The following PITPNA variants were observed in gnomAD, a reference collection of about 807,000 sequenced individuals.
PITPNA encodes the protein phosphatidylinositol transfer protein alpha isoform.
Under a neutral mutation model 50.3 loss-of-function variants are expected in PITPNA, and 13 were observed. That is an observed-to-expected ratio of 0.26 (90% CI 0.17 to 0.41). The LOEUF (loss-of-function observed/expected upper bound fraction) is 0.41, where lower values mean the gene tolerates loss of function less well. Among genes scored for constraint, PITPNA ranks in the 10% least tolerant of loss-of-function variants. The pLI, the probability that PITPNA is intolerant of heterozygous loss-of-function variation, is 1.00. For synonymous variants in PITPNA, 120 were observed against 119.6 expected, an observed-to-expected ratio of 1.00 and a Z score of -0.02; for missense variants, 207 against 333.4, an observed-to-expected ratio of 0.62 and a Z score of 2.95.
chr17:1,555,060 G>A lies in PITPNA; in HGVS notation c.52-1911C>T, dbSNP rs533881598. Among the ~76,000 whole-genome samples the A allele has an allele frequency of 5.0e-4, 76 of 152,304 alleles. 2 individuals are homozygous for A. The South Asian group carries it at 0.015, about 31-fold the overall frequency. ...GAAGGAGCAGTAACTCCGTTTCAGA[G>A]AAGAGCCGTAAGAACATCTAACCAC... is the stretch of plus-strand genomic sequence containing the variant. On this transcript the variant is annotated intron_variant, in intron 2 of 11. Coordinates refer to ENST00000313486, the MANE Select transcript of PITPNA (RefSeq NM_006224.4).
Position 1,535,204 on chromosome 17 carries a change from T to C in PITPNA, c.623A>G (p.Lys208Arg). ...TACCTTATGGATGAAGTTCTCCACT[T>C]TGTTCTGCAGGCCCCACCACTTGAA... is the stretch of plus-strand genomic sequence containing the variant. ...VKFKWWGLQN[K>R]VENFIHKQER... The change falls in exon 9 of 12, where the codon AAA becomes AGA. Residue 208 changes from lysine (K) to arginine (R), a missense_variant. Coordinates refer to ENST00000313486, the MANE Select transcript of PITPNA (RefSeq NM_006224.4). 2 of 1,612,712 alleles carry C rather than the reference T, an allele frequency of 1.2e-6. No homozygotes were observed. The highest frequency in any genetic ancestry group is 1.7e-6 in the Non-Finnish European group (2 of 1,178,676).
rs145766356 is a variant in PITPNA at position 1,546,075 on chromosome 17, G to A, written c.289+2221C>T. Among the ~76,000 whole-genome samples, 57 of 151,928 alleles carry A rather than the reference G, an allele frequency of 3.8e-4. No homozygotes were observed. The East Asian group carries it at 0.01, about 28-fold the overall frequency. ...CCCAAGTAGCTGGGGTTACAGGCAT[G>A]CACCACCATGCCCGGATAACTTTTT... On this transcript the variant is annotated intron_variant, in intron 4 of 11. Coordinates refer to ENST00000313486, the MANE Select transcript of PITPNA (RefSeq NM_006224.4).
intron 10 of PITPNA, among the ~76,000 whole-genome samples, chr17:1,527,401 G>A (rs1178091469): frequency 1.3e-5 from 2 of 151,912 alleles, no homozygotes; most frequent in African/African-American, 2.4e-5. Context: ...GCACCACCAC[G>A]CCTGGCTAAT....
intron 7 of PITPNA, among the ~76,000 whole-genome samples, chr17:1,537,451 G>C (rs1450463158): frequency 6.6e-6 from 1 of 151,764 alleles, no homozygotes; most frequent in African/African-American, 2.4e-5. Context: ...TGCCTGCCTC[G>C]GTCTCCCAAA....
At position 1,562,461 on chromosome 17, in the gene PITPNA, C is replaced by A; in HGVS notation, c.20+80G>T. On this transcript the variant is annotated intron_variant, in intron 1 of 11. Transcript: ENST00000313486. This position sits in a 1 kb window ranked among gnomAD's most constrained non-coding sequence, Gnocchi z 6.4. Reference sequence around the variant, plus strand: ...TGCCCCTCCGTCCATCCGGGCCCTGCGTCCCTCGCCGCGCCGTCGCCCCGG... The same window carrying A: ...TGCCCCTCCGTCCATCCGGGCCCTGAGTCCCTCGCCGCGCCGTCGCCCCGG... 2 of 1,199,268 alleles carry A rather than the reference C, an allele frequency of 1.7e-6. No homozygotes were observed. The highest frequency in any genetic ancestry group is 1.6e-5 in the South Asian group (1 of 61,956). 74.3% of individuals were successfully genotyped at this position (1,199,268 alleles called of 1,614,324 possible). A position where few individuals can be genotyped will look rare whatever the true frequency, so the allele number is the denominator to read the frequency against.
chr17:1,544,947 T>C (rs1440040198), intron 4 of PITPNA, among the ~76,000 whole-genome samples: 3 of 152,150 alleles, frequency 2.0e-5, no homozygotes, highest in Admixed American at 6.5e-5. Flanking sequence ...GAGCCGAGAT[T>C]GCACCACTGT....
At chr17:1,541,832 C>G (rs1393417237) in intron 5 of PITPNA, 192 bp from the exon 6 acceptor site, 1 of 683,842 alleles carries the variant, frequency 1.5e-6, no homozygotes, top group African/African-American at 1.8e-5. Context: ...AATCCTCACC[C>G]CAGCCTGAGA....
At chr17:1,542,861 G>C (rs955170951) in intron 5 of PITPNA, among the ~76,000 whole-genome samples, 159 bp downstream of exon 5, 7 of 152,312 alleles carry the variant, frequency 4.6e-5, no homozygotes, top group East Asian at 3.9e-4. Context: ...CATCATGCCA[G>C]TTAACAGGTT....
At position 1,540,187 on chromosome 17, in the gene PITPNA, G is replaced by A. The variant is rs572937141; in HGVS notation, c.373-1235C>T. Among the ~76,000 whole-genome samples, 19 of 151,764 alleles carry A rather than the reference G, an allele frequency of 1.3e-4. 1 individual carries two copies. Among genetic ancestry groups the A allele is most frequent in the Admixed American group, 3.3e-4 (5 of 15,274 alleles). ...TGTCTGTTTAGCAACATGCTGACCC[G>A]CTGTAAAGACTGTAAACCCTTCTAG... is the stretch of plus-strand genomic sequence containing the variant. On this transcript the variant is annotated intron_variant, in intron 6 of 11. Coordinates refer to ENST00000313486, the MANE Select transcript of PITPNA (RefSeq NM_006224.4).
chr17:1,525,644 G>A (rs1052550983), intron 10 of PITPNA, among the ~76,000 whole-genome samples: 4 of 150,918 alleles, frequency 2.7e-5, no homozygotes, highest in South Asian at 2.1e-4. Flanking sequence ...TCAAACTCCC[G>A]AGTAGCTGGG....
chr17:1,553,026 G>A lies in PITPNA; in HGVS notation c.175C>T (p.His59Tyr). The A allele has an allele frequency of 1.2e-6, 2 of 1,613,966 alleles. No individual in the cohort carries two copies. Among genetic ancestry groups the A allele is most frequent in the Non-Finnish European group, 1.7e-6 (2 of 1,179,880 alleles). ...EKDGEKGQYT[H>Y]KIYHLQSKVP... is the part of the protein sequence containing the mutation. Reference sequence around the variant, plus strand: ...TACCTCTGCAGGTGGTAGATCTTGTGTGTGTACTGGCCTTTCTCACCGTCC... The same window carrying A: ...TACCTCTGCAGGTGGTAGATCTTGTATGTGTACTGGCCTTTCTCACCGTCC... Residue 59 changes from histidine to tyrosine, a missense_variant, in exon 3 of 12, where the codon CAC (histidine) becomes TAC (tyrosine). Coordinates refer to ENST00000313486, the MANE Select transcript of PITPNA (RefSeq NM_006224.4).
intron 9 of PITPNA, 126 bp from the exon 10 acceptor site, chr17:1,534,347 T>C (rs1424976495): frequency 8.6e-7 from 1 of 1,159,606 alleles, no homozygotes; most frequent in East Asian, 2.5e-5. Context: ...GGAGGAGTAA[T>C]GCCCGGCTGG....
At chr17:1,559,575 G>A (rs1295337080) in intron 1 of PITPNA, 3 of 158,026 alleles carry the variant, frequency 1.9e-5, no homozygotes, top group Non-Finnish European at 4.1e-5. Flanking sequence ...AGCCCTCTGG[G>A]TCCTTTTGTG....
chr17:1,542,449 C>T (rs1025299489), intron 5 of PITPNA, among the ~76,000 whole-genome samples: 1 of 152,202 alleles, frequency 6.6e-6, no homozygotes, highest in African/African-American at 2.4e-5. Flanking sequence ...TCCCTCCCTT[C>T]CTGCTTCTTA....
chr17:1,522,332 A>G (rs2075519973), intron 10 of PITPNA, among the ~76,000 whole-genome samples: 1 of 150,490 alleles, frequency 6.6e-6, no homozygotes, highest in African/African-American at 2.5e-5. Flanking sequence ...CGGCCTCCCA[A>G]AGTGCTGGGA....
At chr17:1,560,471 T>C (rs978149642) in intron 1 of PITPNA, among the ~76,000 whole-genome samples, 19 of 152,158 alleles carry the variant, frequency 1.2e-4, no homozygotes, top group Admixed American at 4.6e-4. Flanking sequence ...GAAACGCAGA[T>C]ACCAGGCAGG....
At chr17:1,538,628 A>G in intron 7 of PITPNA, 3 of 437,966 alleles carry the variant, frequency 6.8e-6, no homozygotes, top group Non-Finnish European at 4.1e-6. Context: ...TACAATACCT[A>G]CTTAGTCCAG....
chr17:1,546,909 C>G (rs1477019300), intron 4 of PITPNA, among the ~76,000 whole-genome samples: 1 of 152,174 alleles, frequency 6.6e-6, no homozygotes, highest in Non-Finnish European at 1.5e-5. Context: ...AATAATTATA[C>G]CTGTATCCTC....
intron 10 of PITPNA, among the ~76,000 whole-genome samples, chr17:1,524,992 AATT>A (rs1465963429): frequency 5.9e-5 from 9 of 151,800 alleles, no homozygotes; most frequent in Non-Finnish European, 1.2e-4. Context: ...TAGAATACAA[AATT>A]ATTATTGTTT....
Sources: allele counts gnomAD v4.1 joint callset (sites outside exome capture counted in the v4.1 genomes callset), GRCh38; gene constraint gnomAD v4.1.1; non-coding constraint Gnocchi (gnomAD v3.1); transcripts MANE v1.5; gene names NCBI Gene and HGNC (gene_info 2026-07-23, HGNC 2026-07-21).